Variants in RALGAPA2 observed in about 807,000 individuals in gnomAD.
RALGAPA2 encodes the protein ral GTPase-activating protein subunit alpha-2.
RALGAPA2 carries 139 observed loss-of-function variants against 230.4 expected under a neutral mutation model. That is an observed-to-expected ratio of 0.60 (90% confidence interval 0.53 to 0.69). The LOEUF (loss-of-function observed/expected upper bound fraction) is 0.69, where lower values mean the gene tolerates loss of function less well. Ranked by LOEUF, RALGAPA2 falls within the 30% of genes least tolerant of loss-of-function variation. The pLI is 0.00. For synonymous variants in RALGAPA2, 847 were observed against 837.8 expected, an observed-to-expected ratio of 1.01 and a Z score of -0.19; for missense variants, 2,163 against 2,276.0, an observed-to-expected ratio of 0.95 and a Z score of 1.01.
At chr20:20,477,562 G>C (rs2061680107) in intron 36 of RALGAPA2, among the ~76,000 whole-genome samples, 1 of 152,086 alleles carries the variant, frequency 6.6e-6, no homozygotes, top group African/African-American at 2.4e-5. Context: ...AATTTTAATG[G>C]AACACAGCCA....
In RALGAPA2 at chr20:20,640,854, A is replaced by G. The variant is rs2067007913; in HGVS notation, c.397T>C (p.Phe133Leu). ...TGAAGTGCTTGAAGCCACAGAAGAA[A>G]CAGCCTGATTCCTTCACATCTTATC... ...IKIRCEGIRL[F>L]LLWLQALQTN... Residue 133 changes from phenylalanine to leucine, a missense_variant, in exon 6 of 40, where the codon TTT (phenylalanine) becomes CTT (leucine). Phe to Leu is a conservative substitution (Grantham distance 22, BLOSUM62 0). Transcript: ENST00000202677. 1.2e-6 allele frequency: 2 copies of G among 1,613,316 alleles called. No homozygotes were observed. Among genetic ancestry groups the G allele is most frequent in the Non-Finnish European group, 1.7e-6 (2 of 1,179,426 alleles).
chr20:20,625,436 A>G (rs1313241648), intron 10 of RALGAPA2, among the ~76,000 whole-genome samples: 1 of 152,210 alleles, frequency 6.6e-6, no homozygotes, highest in African/African-American at 2.4e-5. Flanking sequence ...AGATTTTTTA[A>G]TAAAAATAAA....
Position 20,634,677 on chromosome 20 carries a change from A to G in RALGAPA2, c.1005+741T>C, listed in dbSNP as rs541099786. On this transcript the variant is annotated intron_variant, in intron 9 of 39. Coordinates refer to ENST00000202677, the MANE Select transcript of RALGAPA2 (RefSeq NM_020343.4). ...TCGGCAAATCTGCAGTCAGTGGACCAGACTTCCTATCCCTGTTCTTGGGGA... is the reference window on the plus strand; with the variant it reads ...TCGGCAAATCTGCAGTCAGTGGACCGGACTTCCTATCCCTGTTCTTGGGGA... 5.9e-5 allele frequency among the ~76,000 whole-genome samples: 9 copies of G among 152,326 alleles called. No individual in the cohort carries two copies. The East Asian group carries it at 1.7e-3, about 29-fold the overall frequency.
intron 37 of RALGAPA2, among the ~76,000 whole-genome samples, chr20:20,454,853 T>C (rs536027646): frequency 6.6e-6 from 1 of 152,318 alleles, no homozygotes; most frequent in East Asian, 1.9e-4. Context: ...CAAATATATA[T>C]ATATTTTTAA....
rs1251058327 is a variant in RALGAPA2, at chr20:20,392,063, A to G, written c.*1226T>C. The G allele has an allele frequency of 6.6e-6, 1 of 152,290 alleles. No individual in the cohort carries two copies. The highest frequency in any genetic ancestry group is 1.5e-5 in the Non-Finnish European group (1 of 68,076). The allele number at this position is 152,290 out of a possible 1,614,324, so 9.4% of individuals were successfully genotyped here. On this transcript the variant is annotated 3_prime_UTR_variant, in exon 40 of 40. Transcript: ENST00000202677. ...CAGGACACAGCCTGGGGCCTGCGCC[A>G]GCAGCTCTTCGCTGCTGACTGATTT...
intron 36 of RALGAPA2, among the ~76,000 whole-genome samples, chr20:20,484,849 T>C (rs990261611): frequency 3.3e-5 from 5 of 152,276 alleles, no homozygotes; most frequent in African/African-American, 1.2e-4. Context: ...CAATGTACAG[T>C]ATGTAATTCT....
intron 24 of RALGAPA2, among the ~76,000 whole-genome samples, chr20:20,544,238 G>A (rs868754986): frequency 6.6e-5 from 10 of 151,806 alleles, no homozygotes; most frequent in South Asian, 2.1e-4. Flanking sequence ...TGGCTAACAC[G>A]GTGAAACTCC....
At chr20:20,448,396 G>A (rs2060912863) in intron 37 of RALGAPA2, among the ~76,000 whole-genome samples, 1 of 152,160 alleles carries the variant, frequency 6.6e-6, no homozygotes, top group African/African-American at 2.4e-5. Context: ...TAATAGATGT[G>A]TTAAGTAAAT....
chr20:20,455,342 G>A (rs951352186), intron 37 of RALGAPA2, among the ~76,000 whole-genome samples: 6 of 152,254 alleles, frequency 3.9e-5, no homozygotes, highest in African/African-American at 1.4e-4. Context: ...GGTTCCAGAT[G>A]CAGAGTGGCA....
intron 15 of RALGAPA2, among the ~76,000 whole-genome samples, chr20:20,602,797 C>A (rs2065696155): frequency 6.6e-6 from 1 of 150,762 alleles, no homozygotes; most frequent in African/African-American, 2.5e-5. Flanking sequence ...GGAAGAGAAT[C>A]TTGCAGAATG....
At chr20:20,637,828 C>G (rs2066905769) in intron 7 of RALGAPA2, among the ~76,000 whole-genome samples, 1 of 152,072 alleles carries the variant, frequency 6.6e-6, no homozygotes, top group South Asian at 2.1e-4. Context: ...TTCCTTGTGC[C>G]TTTAAAACAT....
Position 20,476,549 on chromosome 20 carries a change from T to C in RALGAPA2, c.5368-3593A>G, listed in dbSNP as rs151266450. Reference sequence around the variant, plus strand: ...CTTCATCTCATATCACACACAAAAATTGAGAGGGTTATAGACTGAAATATT... The same window carrying C: ...CTTCATCTCATATCACACACAAAAACTGAGAGGGTTATAGACTGAAATATT... On this transcript the variant is annotated intron_variant, in intron 36 of 39. Coordinates refer to ENST00000202677, the MANE Select transcript of RALGAPA2 (RefSeq NM_020343.4). Among the ~76,000 whole-genome samples, 1,335 of 151,670 alleles carry C rather than the reference T, an allele frequency of 8.8e-3. 21 individuals carry two copies. The highest frequency in any genetic ancestry group is 0.031 in the African/African-American group (1,279 of 41,394).
intron 38 of RALGAPA2, among the ~76,000 whole-genome samples, chr20:20,408,924 A>G (rs1224608086): frequency 6.6e-6 from 1 of 152,258 alleles, no homozygotes; most frequent in African/African-American, 2.4e-5. Context: ...GGTGTTATCA[A>G]TACAAGTAAT....
At chr20:20,708,830 A>G (rs1219551297) in intron 1 of RALGAPA2, among the ~76,000 whole-genome samples, 2 of 152,160 alleles carry the variant, frequency 1.3e-5, no homozygotes, top group Admixed American at 6.5e-5. Context: ...TATTCTTCTC[A>G]CTACATCAAT....
intron 37 of RALGAPA2, among the ~76,000 whole-genome samples, chr20:20,428,724 T>TCACC (rs1215152882): frequency 6.6e-6 from 1 of 150,892 alleles, no homozygotes; most frequent in Non-Finnish European, 1.5e-5. Context: ...ACCCATCTAT[T>TCACC]CACCCACCCA....
At chr20:20,611,646 C>T (rs1010493087) in intron 13 of RALGAPA2, among the ~76,000 whole-genome samples, 1 of 152,220 alleles carries the variant, frequency 6.6e-6, no homozygotes, top group Non-Finnish European at 1.5e-5. Context: ...CCCATGTCCA[C>T]ACAAACAGGC....
intron 37 of RALGAPA2, among the ~76,000 whole-genome samples, chr20:20,452,352 T>C (rs568147317): frequency 2.0e-5 from 3 of 152,340 alleles, no homozygotes; most frequent in African/African-American, 7.2e-5. Context: ...AGTCAGCTTT[T>C]GTTTGAAAAA....
At chr20:20,531,953 C>A (rs531706786) in intron 26 of RALGAPA2, among the ~76,000 whole-genome samples, 158 bp from the exon 27 acceptor site, 13 of 151,832 alleles carry the variant, frequency 8.6e-5, no homozygotes, top group African/African-American at 2.7e-4. Flanking sequence ...GATAAAGAAC[C>A]CTCAATAGGC....
chr20:20,522,701 A>G (rs887454456), intron 30 of RALGAPA2, among the ~76,000 whole-genome samples: 2 of 152,244 alleles, frequency 1.3e-5, no homozygotes, highest in African/African-American at 4.8e-5. Context: ...AGTTTTCTGG[A>G]AGCATATTAT....
Sources: allele counts gnomAD v4.1 joint callset (sites outside exome capture counted in the v4.1 genomes callset), GRCh38; gene constraint gnomAD v4.1.1; transcripts MANE v1.5; gene names NCBI Gene and HGNC (gene_info 2026-07-23, HGNC 2026-07-21).